The following CD200R1L variants were observed in gnomAD, a reference collection of about 807,000 sequenced individuals.
CD200R1L encodes CD200 receptor 1 like.
A neutral mutation model predicts 24.8 loss-of-function variants in CD200R1L; 14 were observed. The observed-to-expected ratio is 0.56, with a 90% confidence interval of 0.37 to 0.88. The LOEUF (loss-of-function observed/expected upper bound fraction) is 0.88. Among genes scored for constraint, CD200R1L ranks in the 40% least tolerant of loss-of-function variants. The pLI, the probability that CD200R1L is intolerant of heterozygous loss-of-function variation, is 0.00. For missense variants in CD200R1L, 299 were observed against 297.8 expected (o/e 1.00, Z -0.03); for synonymous variants, 111 against 109.2 (o/e 1.02, Z -0.11).
chr3:112,824,800 A>C (rs1051971609), intron 6 of CD200R1L, among the ~76,000 whole-genome samples: 1 of 152,228 alleles, frequency 6.6e-6, no homozygotes, highest in African/African-American at 2.4e-5. Context: ...AGCACAGAGG[A>C]GGAATAGCTA....
chr3:112,841,935 G>A (rs2107354219), intron 2 of CD200R1L, among the ~76,000 whole-genome samples: 1 of 152,366 alleles, frequency 6.6e-6, no homozygotes, highest in South Asian at 2.1e-4. Context: ...ACTGAGAAGA[G>A]TAAGGAGTAG....
chr3:112,821,056 CAAAA>C (rs552399170), intron 6 of CD200R1L, among the ~76,000 whole-genome samples: 2 of 82,784 alleles, frequency 2.4e-5, no homozygotes, highest in Non-Finnish European at 2.5e-5. Context: ...GACTCTGTCT[CAAAA>C]AAAAAAAAAA....
intron 3 of CD200R1L, among the ~76,000 whole-genome samples, chr3:112,834,150 T>C (rs1938875824): frequency 6.6e-6 from 1 of 151,800 alleles, no homozygotes; most frequent in African/African-American, 2.4e-5. Flanking sequence ...AGGAGGGTGC[T>C]GTGTCCCTAG....
rs547931621 is a variant in CD200R1L at position 112,822,028 on chromosome 3, G to T, written c.617-2133C>A. On this transcript the variant is annotated intron_variant, in intron 6 of 7. Transcript: ENST00000488794. ...TGTAGAGATGAGTCTGCAATGATTTGAACCTAATTCTGCAGTGACTTGTAT... is the reference window on the plus strand; with the variant it reads ...TGTAGAGATGAGTCTGCAATGATTTTAACCTAATTCTGCAGTGACTTGTAT... Among the ~76,000 whole-genome samples the T allele has an allele frequency of 7.2e-5, 11 of 152,334 alleles. No individual in the cohort carries two copies. The East Asian group carries it at 2.1e-3, about 29-fold the overall frequency.
chr3:112,841,232 G>A (rs1939072237), intron 2 of CD200R1L: 1 of 442,516 alleles, frequency 2.3e-6, no homozygotes, highest in African/African-American at 2.0e-5. Context: ...TTAAAAGTGT[G>A]TAGCACCTCC....
intron 2 of CD200R1L, among the ~76,000 whole-genome samples, chr3:112,842,544 G>T (rs2087284): frequency 6.6e-6 from 1 of 151,794 alleles, no homozygotes; most frequent in Admixed American, 6.6e-5. Context: ...GAAGACAACC[G>T]TAAGTAAAGT....
chr3:112,827,027 A>C lies in CD200R1L; in HGVS notation c.582T>G (p.Thr194=). The change falls in exon 6 of 8, where the codon ACT becomes ACG. Residue 194 remains threonine (T), a synonymous_variant. Transcript: ENST00000488794. ...STVTCHVSHL[T]GNKSLSVKLN... is the part of the protein sequence containing the mutation. ...ACTTTACGGACAGACTCTTGTTGCC[A>C]GTCAAATGGGAGACATGGCAGGTCA... 2 of 1,612,108 alleles carry C rather than the reference A, an allele frequency of 1.2e-6. No individual in the cohort carries two copies. The highest frequency in any genetic ancestry group is 1.7e-6 in the Non-Finnish European group (2 of 1,179,724).
At chr3:112,842,477 A>T (rs1039893855) in intron 2 of CD200R1L, among the ~76,000 whole-genome samples, 1 of 152,332 alleles carries the variant, frequency 6.6e-6, no homozygotes, top group South Asian at 2.1e-4. Flanking sequence ...TTTGAACAAT[A>T]TGAAATCAGT....
At chr3:112,817,185 A>C (rs984606713) in intron 7 of CD200R1L, among the ~76,000 whole-genome samples, 1 of 152,132 alleles carries the variant, frequency 6.6e-6, no homozygotes, top group Non-Finnish European at 1.5e-5. Flanking sequence ...ATAATAAAAA[A>C]GAAAGGCACA....
chr3:112,838,090 A>G (rs1938999700), intron 2 of CD200R1L, 80 bp from the exon 3 acceptor site: 2 of 433,558 alleles, frequency 4.6e-6, no homozygotes, highest in Non-Finnish European at 7.3e-6. Flanking sequence ...CACTGATTTC[A>G]TATAAGATAA....
chr3:112,840,678 A>G (rs767665487), intron 2 of CD200R1L, among the ~76,000 whole-genome samples: 15 of 152,330 alleles, frequency 9.8e-5, no homozygotes, highest in Non-Finnish European at 1.8e-4. Context: ...AAAATAAAAT[A>G]TCAGAACTGC....
chr3:112,846,160 G>A (rs1467195427), intron 1 of CD200R1L, among the ~76,000 whole-genome samples: 1 of 152,178 alleles, frequency 6.6e-6, no homozygotes, highest in African/African-American at 2.4e-5. Context: ...AAACCAAGAT[G>A]TTGATAATTA....
At chr3:112,835,190 G>A (rs1445728377) in intron 3 of CD200R1L, among the ~76,000 whole-genome samples, 2 of 152,186 alleles carry the variant, frequency 1.3e-5, no homozygotes, top group Non-Finnish European at 2.9e-5. Context: ...AGGTTAAGAG[G>A]AGCTTTATTG....
At chr3:112,846,131 G>A (rs1019647197) in intron 1 of CD200R1L, among the ~76,000 whole-genome samples, 181 bp from the exon 2 acceptor site, 9 of 152,124 alleles carry the variant, frequency 5.9e-5, no homozygotes, top group East Asian at 1.9e-4. Flanking sequence ...CTATATATGC[G>A]CTTATCTAAT....
chr3:112,838,128 AAATT>A (rs1396267112), intron 2 of CD200R1L, 118 bp from the exon 3 acceptor site: 22 of 302,214 alleles, frequency 7.3e-5, no homozygotes, highest in South Asian at 6.4e-4. Flanking sequence ...TCAATTCCTT[AAATT>A]AATTAATAAT....
In CD200R1L at chr3:112,821,251, TAC is replaced by T. The variant is rs1938528063; in HGVS notation, c.617-1358_617-1357del. ...TGAGGAAATAAGAAAATGATATGGT[TAC>T]AGTCCTCAAAATATCTTATAATCCA... is the stretch of plus-strand genomic sequence containing the variant. On this transcript the variant is annotated intron_variant, in intron 6 of 7. Coordinates refer to ENST00000488794, the MANE Select transcript of CD200R1L (RefSeq NM_001199215.3). Among the ~76,000 whole-genome samples the T allele has an allele frequency of 1.3e-5, 2 of 152,122 alleles. 1 individual carries two copies. Among genetic ancestry groups the T allele is most frequent in the South Asian group, 4.1e-4 (2 of 4,828 alleles).
At position 112,845,799 on chromosome 3, in the gene CD200R1L, T is replaced by A; in HGVS notation, c.-207A>T. 1 of 1,215,798 alleles carries A rather than the reference T, an allele frequency of 8.2e-7. No homozygotes were observed. The highest frequency in any genetic ancestry group is 2.4e-5 in the East Asian group (1 of 42,544). 75.3% of individuals were successfully genotyped at this position (1,215,798 alleles called of 1,614,324 possible). ...ACTTTAAATCAATCAACAGACTTGG[T>A]GAATCTGTTTCTCTTGGTCACTTTT... On this transcript the variant is annotated 5_prime_UTR_variant, in exon 2 of 8. Coordinates refer to ENST00000488794, the MANE Select transcript of CD200R1L (RefSeq NM_001199215.3).
Position 112,819,754 on chromosome 3 carries a change from TC to T in CD200R1L, c.740+17del. 1.9e-6 allele frequency: 3 copies of T among 1,582,076 alleles called. No individual in the cohort carries two copies. Among genetic ancestry groups the T allele is most frequent in the Non-Finnish European group, 2.6e-6 (3 of 1,170,426 alleles). ...TTTTTTCTACTGTGTCTTATGCTTT[TC>T]AGTCTTCAGTTCCTACCTGACATGA... is the stretch of plus-strand genomic sequence containing the variant. On this transcript the variant is annotated intron_variant, in intron 7 of 7. Coordinates refer to ENST00000488794, the MANE Select transcript of CD200R1L (RefSeq NM_001199215.3).
intron 2 of CD200R1L, chr3:112,841,149 G>C: frequency 4.1e-6 from 1 of 243,804 alleles, no homozygotes; most frequent in Non-Finnish European, 8.8e-6. Flanking sequence ...CTGGATCATG[G>C]GGTGGTTTCT....
Sources: allele counts gnomAD v4.1 joint callset (sites outside exome capture counted in the v4.1 genomes callset), GRCh38; gene constraint gnomAD v4.1.1; transcripts MANE v1.5; gene names NCBI Gene and HGNC (gene_info 2026-07-23, HGNC 2026-07-21).